DDX20: variants seen among roughly 807,000 people sequenced by gnomAD.
The protein encoded by DDX20 is probable ATP-dependent RNA helicase DDX20.
Under a neutral mutation model 76.4 loss-of-function variants are expected in DDX20, and 61 were observed. The observed-to-expected ratio is 0.80, with a 90% CI of 0.65 to 0.99. The LOEUF (loss-of-function observed/expected upper bound fraction) is 0.99. Among genes scored for constraint, DDX20 ranks in the 50% least tolerant of loss-of-function variants. DDX20 has a pLI of 0.00. For missense variants in DDX20, 976 were observed against 996.8 expected, an observed-to-expected ratio of 0.98 and a Z score of 0.28; for synonymous variants, 357 against 357.4, an observed-to-expected ratio of 1.00 and a Z score of 0.01.
chr1:111,756,266 G>GGC, intron 1 of DDX20, 41 bp downstream of exon 1: 10 of 842,500 alleles, frequency 1.2e-5, no homozygotes, highest in African/African-American at 1.8e-5. Flanking sequence ...GGTGGGGTGG[G>GGC]AGAAGGGGGA....
chr1:111,762,814 C>A, intron 9 of DDX20, 32 bp downstream of exon 9: 1 of 1,527,092 alleles, frequency 6.5e-7, no homozygotes, highest in Non-Finnish European at 9.0e-7. Context: ...TGAGTGCTTT[C>A]TTTAAGGGGA....
In DDX20 at chr1:111,762,264, A is replaced by G. The variant is rs775945959; in HGVS notation, c.1031A>G (p.Asn344Ser). 15 of 1,612,520 alleles carry G rather than the reference A, an allele frequency of 9.3e-6. No homozygotes were observed. Among genetic ancestry groups the G allele is most frequent in the Non-Finnish European group, 1.2e-5 (14 of 1,179,526 alleles). ...FPAECISGNM[N>S]QNQRLDAMAK... Reference sequence around the variant, plus strand: ...TTTGGGGTCCTTTTAGGCAATATGAATCAGAATCAGCGTCTTGATGCTATG... The same window carrying G: ...TTTGGGGTCCTTTTAGGCAATATGAGTCAGAATCAGCGTCTTGATGCTATG... Residue 344 changes from asparagine (N) to serine (S), a missense_variant, in exon 8 of 11, where the codon AAT (asparagine) becomes AGT (serine). By Grantham distance (46) the Asn-to-Ser change is conservative. Coordinates refer to ENST00000369702, the MANE Select transcript of DDX20 (RefSeq NM_007204.5).
chr1:111,764,318 A>G (rs1435887905), intron 10 of DDX20, among the ~76,000 whole-genome samples: 2 of 152,210 alleles, frequency 1.3e-5, no homozygotes, highest in Non-Finnish European at 2.9e-5. Flanking sequence ...TAGTATATAC[A>G]TGACTTTGCA....
In DDX20 at chr1:111,766,605, T is replaced by A. The variant is rs751201976; in HGVS notation, c.2181T>A (p.Ala727=). Residue 727 remains alanine (A), a synonymous_variant, in exon 11 of 11, where the codon GCT becomes GCA. Coordinates refer to ENST00000369702, the MANE Select transcript of DDX20 (RefSeq NM_007204.5). ...TGAAGACAAGACTTAAAGAGGGGGC[T>A]AGCCAGAGAGCTAAGCAGAGCCGGA... ...IQMKTRLKEG[A]SQRAKQSRRN... The A allele has an allele frequency of 6.2e-7, 1 of 1,614,190 alleles. No homozygotes were observed. Among genetic ancestry groups the A allele is most frequent in the South Asian group, 1.1e-5 (1 of 91,088 alleles).
At position 111,766,482 on chromosome 1, in the gene DDX20, A is replaced by T. The variant is rs201082299; in HGVS notation, c.2058A>T (p.Glu686Asp). 1.2e-4 allele frequency: 197 copies of T among 1,614,204 alleles called. No individual in the cohort carries two copies. In the Admixed American group the frequency reaches 3.2e-3, roughly 26 times the overall value. ...GSSDNQLKDS[E>D]STPVDDRISL... is the part of the protein sequence containing the mutation. ...CTGATAATCAGCTGAAAGACTCTGAATCTACGCCTGTGGATGATCGTATTT... is the reference window on the plus strand; with the variant it reads ...CTGATAATCAGCTGAAAGACTCTGATTCTACGCCTGTGGATGATCGTATTT... Residue 686 changes from glutamate to aspartate, a missense_variant, in exon 11 of 11, where the codon GAA becomes GAT. Coordinates refer to ENST00000369702, the MANE Select transcript of DDX20 (RefSeq NM_007204.5).
intron 2 of DDX20, among the ~76,000 whole-genome samples, chr1:111,758,981 A>C (rs1273534196): frequency 6.6e-6 from 1 of 152,214 alleles, no homozygotes; most frequent in Non-Finnish European, 1.5e-5. Flanking sequence ...GTATCAGCTG[A>C]TTCAGCCAAC....
Position 111,765,594 on chromosome 1 carries a change from G to A in DDX20, c.1313-143G>A, listed in dbSNP as rs2101425873. 2.7e-5 allele frequency: 19 copies of A among 703,066 alleles called. No homozygotes were observed. In the South Asian group the frequency reaches 3.2e-4, roughly 12 times the overall value. The allele number at this position is 703,066 out of a possible 1,614,324, so 43.6% of individuals were successfully genotyped here. On this transcript the variant is annotated intron_variant, in intron 10 of 10. Coordinates refer to ENST00000369702, the MANE Select transcript of DDX20 (RefSeq NM_007204.5). ...CAGGATTGCTTCAGTCTTTAAAAAT[G>A]TTATATCTATTAAACATCTTAGTAT...
rs1020777152 is a variant in DDX20, at chr1:111,766,961, C to T, written c.*62C>T. 9.7e-6 allele frequency: 13 copies of T among 1,344,800 alleles called. No individual in the cohort carries two copies. The highest frequency in any genetic ancestry group is 9.0e-5 in the Admixed American group (5 of 55,308). 83.3% of individuals were successfully genotyped at this position (1,344,800 alleles called of 1,614,324 possible). A position where few individuals can be genotyped will look rare whatever the true frequency, so the allele number is the denominator to read the frequency against. On this transcript the variant is annotated 3_prime_UTR_variant, in exon 11 of 11. Transcript: ENST00000369702. ...CAAATGATACCTTTGGATATCCATCCTCCTCGACTTATAGTACAGTGGTGT... is the reference window on the plus strand; with the variant it reads ...CAAATGATACCTTTGGATATCCATCTTCCTCGACTTATAGTACAGTGGTGT...
At chr1:111,761,309 T>C in intron 7 of DDX20, 25 bp downstream of exon 7, 1 of 1,598,146 alleles carries the variant, frequency 6.3e-7, no homozygotes, top group Non-Finnish European at 8.5e-7. Context: ...TACTTTAATC[T>C]TTATTTAGTA....
At position 111,766,709 on chromosome 1, in the gene DDX20, T is replaced by TA. The variant is rs1315776922; in HGVS notation, c.2286dup (p.Arg763ThrfsTer6). ...GATTGGTATGACTGTCATAGGGAAA[T>TA]ACGTCTGAGTTTTTCTGATACCTAT... On this transcript the variant is annotated frameshift_variant, in exon 11 of 11. Coordinates refer to ENST00000369702, the MANE Select transcript of DDX20 (RefSeq NM_007204.5). LOFTEE classifies it high-confidence loss of function. 2.5e-6 allele frequency: 4 copies of TA among 1,613,856 alleles called. No individual in the cohort carries two copies. The highest frequency in any genetic ancestry group is 3.4e-6 in the Non-Finnish European group (4 of 1,179,984).
chr1:111,762,425 A>G, intron 8 of DDX20, 88 bp downstream of exon 8: 1 of 1,080,302 alleles, frequency 9.3e-7, no homozygotes, highest in Non-Finnish European at 1.4e-6. Context: ...TATTTTATGT[A>G]GGCGTATCTA....
Position 111,766,292 on chromosome 1 carries a change from C to T in DDX20, c.1868C>T (p.Thr623Ile), listed in dbSNP as rs1557924163. 6.2e-7 allele frequency: 1 copy of T among 1,614,174 alleles called. No individual in the cohort carries two copies. The highest frequency in any genetic ancestry group is 8.5e-7 in the Non-Finnish European group (1 of 1,180,032). The change falls in exon 11 of 11, where the codon ACT becomes ATT. Residue 623 changes from threonine to isoleucine, a missense_variant. Physicochemically the swap from Thr to Ile is moderately conservative, Grantham distance 89 (BLOSUM62 -1). Transcript: ENST00000369702. ...IRHYTGPGDQTVNPQNGFVRN... is the reference protein window; with the variant it reads ...IRHYTGPGDQIVNPQNGFVRN... The stretch of plus-strand genomic sequence containing the variant: ...CACTACACAGGCCCTGGGGATCAGA[C>T]TGTGAATCCTCAAAATGGTTTTGTG...
At position 111,766,248 on chromosome 1, in the gene DDX20, A is replaced by G; in HGVS notation, c.1824A>G (p.Lys608=). 6.2e-7 allele frequency: 1 copy of G among 1,614,140 alleles called. No homozygotes were observed. The highest frequency in any genetic ancestry group is 1.1e-5 in the South Asian group (1 of 91,084). Residue 608 remains lysine (K), a synonymous_variant, in exon 11 of 11, where the codon AAA becomes AAG. Transcript: ENST00000369702. ...YEHYIKEGLE[K]PVEIIRHYTG... ...ATTATATTAAAGAGGGGTTAGAGAA[A>G]CCTGTGGAAATCATCAGGCACTACA...
intron 2 of DDX20, 30 bp downstream of exon 2, chr1:111,756,770 T>C (rs769165384): frequency 6.4e-7 from 1 of 1,567,096 alleles, no homozygotes; most frequent in Non-Finnish European, 8.8e-7. Context: ...CAGAGGAGGA[T>C]GTGTTTTGTG....
intron 10 of DDX20, among the ~76,000 whole-genome samples, chr1:111,765,510 G>C (rs1663760714): frequency 6.6e-6 from 1 of 152,168 alleles, no homozygotes; most frequent in Non-Finnish European, 1.5e-5. Flanking sequence ...AGTGAGGGGA[G>C]ATAGTGCTTG....
In DDX20 at chr1:111,766,223, A is replaced by G. The variant is rs759672599; in HGVS notation, c.1799A>G (p.His600Arg). 3 of 1,614,206 alleles carry G rather than the reference A, an allele frequency of 1.9e-6. No homozygotes were observed. Among genetic ancestry groups the G allele is most frequent in the East Asian group, 2.2e-5 (1 of 44,892 alleles). ...TFAELVEDYE[H>R]YIKEGLEKPV... is the part of the protein sequence containing the mutation. ...GCTGAATTGGTAGAGGATTATGAAC[A>G]TTATATTAAAGAGGGGTTAGAGAAA... is the stretch of plus-strand genomic sequence containing the variant. The change falls in exon 11 of 11, where the codon CAT (histidine) becomes CGT (arginine). Residue 600 changes from histidine to arginine, a missense_variant. By Grantham distance (29) the His-to-Arg change is conservative. Around this residue, in one of 3 missense-constraint regions of DDX20, gnomAD observed 630 missense variants for 693.7 expected, o/e 0.91. Transcript: ENST00000369702.
Position 111,766,268 on chromosome 1 carries a change from A to T in DDX20, c.1844A>T (p.His615Leu). 6.2e-7 allele frequency: 1 copy of T among 1,614,176 alleles called. No individual in the cohort carries two copies. Among genetic ancestry groups the T allele is most frequent in the Non-Finnish European group, 8.5e-7 (1 of 1,180,038 alleles). ...GAGAAACCTGTGGAAATCATCAGGCACTACACAGGCCCTGGGGATCAGACT... is the reference window on the plus strand; with the variant it reads ...GAGAAACCTGTGGAAATCATCAGGCTCTACACAGGCCCTGGGGATCAGACT... ...GLEKPVEIIR[H>L]YTGPGDQTVN... Residue 615 changes from histidine to leucine, a missense_variant, in exon 11 of 11, where the codon CAC becomes CTC. Around this residue, in one of 3 missense-constraint regions of DDX20, gnomAD observed 630 missense variants for 693.7 expected, o/e 0.91. Coordinates refer to ENST00000369702, the MANE Select transcript of DDX20 (RefSeq NM_007204.5).
intron 2 of DDX20, 145 bp from the exon 3 acceptor site, chr1:111,759,255 A>G: frequency 1.5e-6 from 1 of 645,680 alleles, no homozygotes. Context: ...GTGGATACCA[A>G]GGGATAACTG....
chr1:111,759,442 CATTCTGTT>C lies in DDX20; in HGVS notation c.443_450del (p.Ser148TyrfsTer29). Reference sequence around the variant, plus strand: ...TACAAGAGAAATTGCTGTACAGATACATTCTGTTATTACAGCCATTGGAATAAAAATGG... The same window carrying C: ...TACAAGAGAAATTGCTGTACAGATACATTACAGCCATTGGAATAAAAATGG... On this transcript the variant is annotated frameshift_variant, in exon 3 of 11. Coordinates refer to ENST00000369702, the MANE Select transcript of DDX20 (RefSeq NM_007204.5). LOFTEE classifies it high-confidence loss of function. 6.2e-7 allele frequency: 1 copy of C among 1,612,924 alleles called. No individual in the cohort carries two copies. The highest frequency in any genetic ancestry group is 8.5e-7 in the Non-Finnish European group (1 of 1,179,436).
Sources: allele counts gnomAD v4.1 joint callset (sites outside exome capture counted in the v4.1 genomes callset), GRCh38; gene constraint gnomAD v4.1.1; regional missense constraint gnomAD v4.1.1; transcripts MANE v1.5; gene names NCBI Gene and HGNC (gene_info 2026-07-23, HGNC 2026-07-21).